RFX3: variants seen among roughly 807,000 people sequenced by gnomAD.
RFX3 encodes the protein regulatory factor X3, also known as transcription factor RFX3.
RFX3 carries 14 observed loss-of-function variants against 98.6 expected under a neutral mutation model. The ratio of observed to expected loss-of-function variants is 0.14; its 90% confidence interval spans 0.09 to 0.22. The LOEUF (loss-of-function observed/expected upper bound fraction) is 0.22, where lower values mean the gene tolerates loss of function less well. Among genes scored for constraint, RFX3 ranks in the 10% least tolerant of loss-of-function variants. RFX3 has a pLI of 1.00. For synonymous variants in RFX3, 383 were observed against 328.4 expected, an observed-to-expected ratio of 1.17 and a Z score of -1.80; for missense variants, 639 against 926.9, an observed-to-expected ratio of 0.69 and a Z score of 4.03.
intron 8 of RFX3, 103 bp downstream of exon 8, chr9:3,277,237 A>G (rs1487121297): frequency 8.0e-6 from 10 of 1,255,988 alleles, no homozygotes; most frequent in Admixed American, 2.0e-5. Flanking sequence ...ACCAAAAAAA[A>G]TCTTTCTATG....
chr9:3,460,831 G>A (rs1328483236), intron 1 of RFX3, among the ~76,000 whole-genome samples: 1 of 151,836 alleles, frequency 6.6e-6, no homozygotes, highest in Non-Finnish European at 1.5e-5. Flanking sequence ...AGTGAGAAAA[G>A]ACAATGCTTC....
intron 1 of RFX3, among the ~76,000 whole-genome samples, chr9:3,421,413 G>C (rs1348645165): frequency 2.6e-5 from 4 of 151,970 alleles, no homozygotes; most frequent in Non-Finnish European, 5.9e-5. Flanking sequence ...CTTTATTAAA[G>C]AAAAAAGGAA....
intron 1 of RFX3, among the ~76,000 whole-genome samples, chr9:3,510,586 A>G (rs143180971): frequency 0.012 from 1,764 of 152,154 alleles, 28 homozygotes; most frequent in South Asian, 0.031. Context: ...TACTAAACAG[A>G]ATGTAAAATA....
At chr9:3,283,897 G>T (rs974023384) in intron 7 of RFX3, among the ~76,000 whole-genome samples, 1 of 151,592 alleles carries the variant, frequency 6.6e-6, no homozygotes, top group Admixed American at 6.6e-5. Flanking sequence ...TTTGAGGGTG[G>T]AATTCTCATG....
intron 1 of RFX3, among the ~76,000 whole-genome samples, chr9:3,415,478 C>A (rs1269020080): frequency 6.6e-6 from 1 of 151,922 alleles, no homozygotes; most frequent in Non-Finnish European, 1.5e-5. Context: ...TAACAAGACC[C>A]ACATCCACTA....
rs576153632 is a variant in RFX3, at chr9:3,345,883, G to C, written c.215+784C>G. ...ATCACTCAAGGAAAGAGTAGATGTA[G>C]TAAGAATAAAGACAGCAGAGGTTAT... On this transcript the variant is annotated intron_variant, in intron 3 of 16. Coordinates refer to ENST00000617270, the MANE Select transcript of RFX3 (RefSeq NM_001282116.2). Among the ~76,000 whole-genome samples the C allele has an allele frequency of 3.3e-5, 5 of 152,282 alleles. No homozygotes were observed. In the South Asian group the frequency reaches 1.0e-3, roughly 32 times the overall value.
rs376742732 is a variant in RFX3 at position 3,525,271 on chromosome 9, C to T, written c.-9+476G>A. Among the ~76,000 whole-genome samples the T allele has an allele frequency of 5.1e-4, 78 of 152,300 alleles. 1 individual carries two copies. In the South Asian group the frequency reaches 0.015, roughly 30 times the overall value. On this transcript the variant is annotated intron_variant, in intron 1 of 16. Transcript: ENST00000617270. Reference sequence around the variant, plus strand: ...AAAACACCACCTCTTGGGTCCCCCCCTTGCACACTGTTGTCTATTTCGGCT... The same window carrying T: ...AAAACACCACCTCTTGGGTCCCCCCTTTGCACACTGTTGTCTATTTCGGCT...
chr9:3,353,500 G>C (rs1424952412), intron 2 of RFX3, among the ~76,000 whole-genome samples: 1 of 152,040 alleles, frequency 6.6e-6, no homozygotes, highest in East Asian at 1.9e-4. Context: ...GTAAGGTGCA[G>C]AGATGGTTTA....
chr9:3,403,500 T>G (rs1185702737), intron 1 of RFX3, among the ~76,000 whole-genome samples: 1 of 152,160 alleles, frequency 6.6e-6, no homozygotes, highest in Non-Finnish European at 1.5e-5. Context: ...ATGACAGTGA[T>G]TAATGCTGAA....
chr9:3,239,553 T>A (rs1819634663), intron 15 of RFX3, among the ~76,000 whole-genome samples: 1 of 152,180 alleles, frequency 6.6e-6, no homozygotes, highest in Non-Finnish European at 1.5e-5. Context: ...TAGCAACAGG[T>A]GTACCTAATT....
At chr9:3,279,387 G>C (rs79790726) in intron 7 of RFX3, among the ~76,000 whole-genome samples, 2,145 of 151,876 alleles carry the variant, frequency 0.014, 45 homozygotes, top group African/African-American at 0.049. Flanking sequence ...TTGAATAAAA[G>C]TGGTTAAAGG....
chr9:3,270,635 C>G (rs967783621), intron 10 of RFX3, 110 bp from the exon 11 acceptor site: 1 of 1,083,242 alleles, frequency 9.2e-7, no homozygotes, highest in Non-Finnish European at 1.3e-6. Context: ...TAGAACTATA[C>G]CACCATTGCA....
intron 15 of RFX3, among the ~76,000 whole-genome samples, chr9:3,236,122 A>G (rs1396099433): frequency 6.6e-6 from 1 of 152,182 alleles, no homozygotes; most frequent in African/African-American, 2.4e-5. Context: ...GTACAGTGGT[A>G]TATAGGAATC....
chr9:3,503,050 A>AT, intron 1 of RFX3, among the ~76,000 whole-genome samples: 1 of 152,292 alleles, frequency 6.6e-6, no homozygotes, highest in South Asian at 2.1e-4. Context: ...TATACCTCAC[A>AT]TATCTTTTCA....
intron 1 of RFX3, among the ~76,000 whole-genome samples, chr9:3,508,187 A>C (rs528163791): frequency 1.3e-5 from 2 of 151,974 alleles, no homozygotes; most frequent in African/African-American, 2.4e-5. Flanking sequence ...AGACATTAAG[A>C]CCACGTTCCA....
At chr9:3,336,991 GA>G (rs1833266723) in intron 3 of RFX3, among the ~76,000 whole-genome samples, 1 of 152,168 alleles carries the variant, frequency 6.6e-6, no homozygotes, top group Non-Finnish European at 1.5e-5. Context: ...CACGGTGGAT[GA>G]TAGTTTTAAA....
At chr9:3,346,424 A>G (rs1448913542) in intron 3 of RFX3, among the ~76,000 whole-genome samples, 7 of 152,214 alleles carry the variant, frequency 4.6e-5, no homozygotes, top group Non-Finnish European at 1.0e-4. Context: ...AGGAAGAACT[A>G]TTAAAGGGCA....
intron 1 of RFX3, among the ~76,000 whole-genome samples, chr9:3,509,543 T>A (rs1817463139): frequency 6.6e-6 from 1 of 151,972 alleles, no homozygotes; most frequent in Admixed American, 6.6e-5. Context: ...AAAAACCTAG[T>A]AAGTATGGCA....
In RFX3 at chr9:3,427,804, A is replaced by G. The variant is rs1399899717; in HGVS notation, c.-8-32208T>C. On this transcript the variant is annotated intron_variant, in intron 1 of 16. Coordinates refer to ENST00000617270, the MANE Select transcript of RFX3 (RefSeq NM_001282116.2). ...CCACAGTTTGACTTGCCATATGTGC[A>G]GTTCATCACTCAGCCATGACTTGAA... Among the ~76,000 whole-genome samples the G allele has an allele frequency of 3.9e-5, 6 of 152,104 alleles. No homozygotes were observed. The East Asian group carries it at 1.2e-3, about 29-fold the overall frequency.
Sources: allele counts gnomAD v4.1 joint callset (sites outside exome capture counted in the v4.1 genomes callset), GRCh38; gene constraint gnomAD v4.1.1; transcripts MANE v1.5; gene names NCBI Gene and HGNC (gene_info 2026-07-23, HGNC 2026-07-21).